The following ME3 variants were observed in gnomAD, a reference collection of about 807,000 sequenced individuals.
ME3 encodes the protein malic enzyme 3.
Under a neutral mutation model 68.9 loss-of-function variants are expected in ME3, and 48 were observed. The ratio of observed to expected loss-of-function variants is 0.70; its 90% CI spans 0.55 to 0.89. The LOEUF is 0.89. ME3 is among the 40% of genes least tolerant of loss of function. The probability of loss-of-function intolerance (pLI) is 0.00; values close to 1 mark genes in which losing one functional copy is unlikely to be tolerated. For synonymous variants in ME3, 320 were observed against 318.8 expected (o/e 1.00, Z -0.04); for missense variants, 675 against 797.4 (o/e 0.85, Z 1.85).
At chr11:86,589,146 C>A (rs182712904) in intron 2 of ME3, among the ~76,000 whole-genome samples, 245 of 152,282 alleles carry the variant, frequency 1.6e-3, no homozygotes, top group African/African-American at 5.6e-3. Context: ...ATCAACTGCC[C>A]TTTCCTTTCT....
At chr11:86,672,030 CG>C in intron 1 of ME3, 72 bp from the exon 2 acceptor site, 1 of 1,217,654 alleles carries the variant, frequency 8.2e-7, no homozygotes, top group Non-Finnish European at 1.1e-6. Context: ...TGCGGGGCAC[CG>C]GGCCTGATCC....
At chr11:86,452,110 C>T (rs1367030524) in intron 8 of ME3, among the ~76,000 whole-genome samples, 1 of 152,206 alleles carries the variant, frequency 6.6e-6, no homozygotes, top group Non-Finnish European at 1.5e-5. Flanking sequence ...GGAGTGGCTC[C>T]TCTTACCATT....
intron 2 of ME3, among the ~76,000 whole-genome samples, chr11:86,647,933 A>C (rs1190947845): frequency 6.6e-6 from 1 of 152,194 alleles, no homozygotes; most frequent in Non-Finnish European, 1.5e-5. Context: ...AGAACTCTCC[A>C]CCCCAAATCA....
At chr11:86,598,302 G>A (rs75457588) in intron 2 of ME3, among the ~76,000 whole-genome samples, 22 of 152,338 alleles carry the variant, frequency 1.4e-4, no homozygotes, top group Admixed American at 3.9e-4. Flanking sequence ...ATTATATCCC[G>A]CACCTGGCTT....
chr11:86,648,050 C>T (rs949675027), intron 2 of ME3, among the ~76,000 whole-genome samples: 1 of 152,192 alleles, frequency 6.6e-6, no homozygotes, highest in Admixed American at 6.5e-5. Context: ...GAAATCATAA[C>T]TAACATTCTC....
intron 2 of ME3, among the ~76,000 whole-genome samples, chr11:86,627,782 C>T (rs1470962615): frequency 6.6e-6 from 1 of 152,194 alleles, no homozygotes; most frequent in Non-Finnish European, 1.5e-5. Context: ...AGCCTTCATA[C>T]TTGTACCAAA....
chr11:86,627,834 G>A (rs1018312516), intron 2 of ME3, among the ~76,000 whole-genome samples: 20 of 152,326 alleles, frequency 1.3e-4, no homozygotes, highest in African/African-American at 4.8e-4. Flanking sequence ...GAGGCCTATG[G>A]GCTTGCAAGG....
intron 2 of ME3, among the ~76,000 whole-genome samples, chr11:86,643,964 G>C (rs761431952): frequency 3.3e-5 from 5 of 152,188 alleles, no homozygotes; most frequent in Non-Finnish European, 5.9e-5. Context: ...TTTTTGTGGG[G>C]ATCAGATGAG....
chr11:86,630,555 T>C (rs973986245), intron 2 of ME3, among the ~76,000 whole-genome samples: 1 of 152,190 alleles, frequency 6.6e-6, no homozygotes, highest in Non-Finnish European at 1.5e-5. Flanking sequence ...AAAAGCAACA[T>C]TATAATTTTA....
At chr11:86,486,477 CAG>C (rs1053965650) in intron 7 of ME3, among the ~76,000 whole-genome samples, 3 of 152,202 alleles carry the variant, frequency 2.0e-5, no homozygotes, top group African/African-American at 7.2e-5. Context: ...AGACTTTGTG[CAG>C]AGTTTGTGGG....
chr11:86,512,271 A>C (rs1478107431), intron 4 of ME3, among the ~76,000 whole-genome samples: 1 of 152,198 alleles, frequency 6.6e-6, no homozygotes, highest in Non-Finnish European at 1.5e-5. Flanking sequence ...TTCCAATTCA[A>C]AGTAGAGGCT....
rs902323871 is a variant in ME3 at position 86,533,007 on chromosome 11, G to A, written c.467+23546C>T. Among the ~76,000 whole-genome samples, 14 of 151,788 alleles carry A rather than the reference G, an allele frequency of 9.2e-5. 2 individuals carry two copies. In the South Asian group the frequency reaches 1.7e-3, roughly 18 times the overall value. ...GCAGAGGTTGCAGTGAGCTGAGATCGCATCATTGCACTCCAGCCTGGGTGA... is the reference window on the plus strand; with the variant it reads ...GCAGAGGTTGCAGTGAGCTGAGATCACATCATTGCACTCCAGCCTGGGTGA... On this transcript the variant is annotated intron_variant, in intron 4 of 14. Transcript: ENST00000543262.
intron 2 of ME3, among the ~76,000 whole-genome samples, chr11:86,615,857 A>G (rs1420047358): frequency 6.6e-6 from 1 of 152,248 alleles, no homozygotes; most frequent in African/African-American, 2.4e-5. Flanking sequence ...GTCACAAAAT[A>G]TTCTTGTAGT....
intron 2 of ME3, among the ~76,000 whole-genome samples, chr11:86,586,466 G>T (rs1296437210): frequency 6.6e-6 from 1 of 152,162 alleles, no homozygotes; most frequent in African/African-American, 2.4e-5. Context: ...GTGTGACTCT[G>T]GGAGAAGCTG....
At chr11:86,564,334 T>G (rs964167651) in intron 2 of ME3, among the ~76,000 whole-genome samples, 2 of 152,140 alleles carry the variant, frequency 1.3e-5, no homozygotes, top group Non-Finnish European at 1.5e-5. Context: ...CTATCAAAAT[T>G]TTAATGGCCT....
intron 4 of ME3, among the ~76,000 whole-genome samples, chr11:86,517,486 A>G (rs1218663127): frequency 4.6e-5 from 7 of 152,174 alleles, no homozygotes; most frequent in African/African-American, 1.4e-4. Flanking sequence ...TTGTTTGTTC[A>G]ATAAAGATGT....
intron 2 of ME3, among the ~76,000 whole-genome samples, chr11:86,597,514 C>A (rs956209118): frequency 6.6e-6 from 1 of 152,192 alleles, no homozygotes; most frequent in Non-Finnish European, 1.5e-5. Context: ...TGGGAACAAG[C>A]CTGTTGTCAG....
At chr11:86,466,051 A>T (rs966702061) in intron 7 of ME3, among the ~76,000 whole-genome samples, 3 of 152,088 alleles carry the variant, frequency 2.0e-5, no homozygotes, top group African/African-American at 4.8e-5. Flanking sequence ...TGCCTCCTAG[A>T]TTTCATGGCC....
At chr11:86,598,002 A>G (rs1331388823) in intron 2 of ME3, among the ~76,000 whole-genome samples, 1 of 152,156 alleles carries the variant, frequency 6.6e-6, no homozygotes, top group African/African-American at 2.4e-5. Flanking sequence ...TCTGGTCTAC[A>G]GCTCCCAGCA....
Sources: gnomAD v4.1 joint callset for allele counts (sites outside exome capture counted in the v4.1 genomes callset) on GRCh38, gnomAD v4.1.1 for gene constraint, MANE v1.5 for transcripts, NCBI Gene and HGNC (gene_info 2026-07-23, HGNC 2026-07-21) for gene names.